Variants in ERC1 observed in about 807,000 individuals in gnomAD.
ERC1 encodes ELKS/RAB6-interacting/CAST family member 1.
ERC1 carries 56 observed loss-of-function variants against 132.0 expected under a neutral mutation model. The ratio of observed to expected loss-of-function variants is 0.42; its 90% CI spans 0.34 to 0.53. The LOEUF is 0.53. Ranked by LOEUF, ERC1 falls within the 20% of genes least tolerant of loss-of-function variation. ERC1 has a pLI of 0.03. For synonymous variants in ERC1, 478 were observed against 476.1 expected (o/e 1.00, Z -0.05); for missense variants, 1,202 against 1,349.9 (o/e 0.89, Z 1.72).
chr12:1,244,653 C>G (rs1022522258), intron 13 of ERC1: 1 of 415,362 alleles, frequency 2.4e-6, no homozygotes, highest in Non-Finnish European at 4.9e-6. Flanking sequence ...ACCCGAGTAG[C>G]TGGGATTCCA....
intron 12 of ERC1, among the ~76,000 whole-genome samples, chr12:1,206,708 C>T (rs950935481): frequency 9.9e-5 from 15 of 152,070 alleles, no homozygotes; most frequent in Admixed American, 2.6e-4. Context: ...TTTTGGCTAA[C>T]GGTCATTCAG....
intron 12 of ERC1, among the ~76,000 whole-genome samples, chr12:1,225,473 C>CACACAG (rs1555316279): frequency 0.047 from 7,125 of 151,602 alleles, 439 homozygotes; most frequent in African/African-American, 0.14. Flanking sequence ...CACACACACA[C>CACACAG]ACACACACAC....
intron 15 of ERC1, among the ~76,000 whole-genome samples, chr12:1,294,946 T>G (rs2079799484): frequency 1.3e-5 from 2 of 152,204 alleles, no homozygotes; most frequent in African/African-American, 4.8e-5. Context: ...ATCTATCCAT[T>G]TAATCATAAG....
intron 18 of ERC1, among the ~76,000 whole-genome samples, chr12:1,488,913 C>T (rs1014697948): frequency 5.3e-5 from 8 of 152,330 alleles, no homozygotes; most frequent in Middle Eastern, 6.8e-3. Context: ...GCCTAACCCC[C>T]ACCTGGGCTG....
chr12:1,066,804 TCCAG>T (rs1939281826), intron 2 of ERC1, among the ~76,000 whole-genome samples: 1 of 139,654 alleles, frequency 7.2e-6, no homozygotes, highest in Non-Finnish European at 1.5e-5. Context: ...GCCATTGTAG[TCCAG>T]CCTGGGCAAC....
chr12:1,268,389 C>T (rs925711161), intron 14 of ERC1, among the ~76,000 whole-genome samples: 1 of 152,106 alleles, frequency 6.6e-6, no homozygotes, highest in Admixed American at 6.5e-5. Flanking sequence ...CCACATTAAG[C>T]ACTGAAAATG....
chr12:1,079,341 TAC>T (rs1235095135), intron 2 of ERC1, among the ~76,000 whole-genome samples: 1 of 143,228 alleles, frequency 7.0e-6, no homozygotes, highest in African/African-American at 2.5e-5. Flanking sequence ...AAAGTCGATA[TAC>T]AGAGATACAG....
chr12:1,416,870 T>C (rs1361136569), intron 17 of ERC1, among the ~76,000 whole-genome samples: 1 of 152,236 alleles, frequency 6.6e-6, no homozygotes, highest in African/African-American at 2.4e-5. Context: ...TCAGTTAATG[T>C]TAGCTATTAG....
At chr12:1,273,512 T>G (rs2078028304) in intron 14 of ERC1, among the ~76,000 whole-genome samples, 1 of 152,258 alleles carries the variant, frequency 6.6e-6, no homozygotes, top group African/African-American at 2.4e-5. Context: ...ATAGCAGCAC[T>G]GTCAAATAGA....
chr12:1,392,456 A>AT (rs374125143), intron 16 of ERC1, among the ~76,000 whole-genome samples: 39 of 152,308 alleles, frequency 2.6e-4, no homozygotes, highest in African/African-American at 8.9e-4. Flanking sequence ...CAGATAACCG[A>AT]TTTTTTTAAG....
chr12:1,421,571 T>G (rs79173510), intron 17 of ERC1, among the ~76,000 whole-genome samples: 6,501 of 152,190 alleles, frequency 0.043, 260 homozygotes, highest in African/African-American at 0.097. Context: ...TGGAGTCAGT[T>G]GGTTGCCAGA....
chr12:1,236,994 T>C, intron 13 of ERC1, 90 bp downstream of exon 13: 1 of 1,470,742 alleles, frequency 6.8e-7, no homozygotes, highest in South Asian at 1.3e-5. Context: ...TATCCTCCTC[T>C]TTTTTCTCTT....
chr12:1,266,671 C>G (rs1293845144), intron 14 of ERC1, among the ~76,000 whole-genome samples: 1 of 152,122 alleles, frequency 6.6e-6, no homozygotes, highest in Non-Finnish European at 1.5e-5. Flanking sequence ...TCTGAAAGTG[C>G]TGGGATTACA....
chr12:1,091,715 G>A (rs1380850943), intron 3 of ERC1, among the ~76,000 whole-genome samples: 3 of 152,178 alleles, frequency 2.0e-5, no homozygotes, highest in African/African-American at 4.8e-5. Flanking sequence ...TTGAATCAAG[G>A]GAGTGACACA....
intron 5 of ERC1, among the ~76,000 whole-genome samples, chr12:1,111,546 A>G (rs1328813610): frequency 2.6e-5 from 4 of 151,972 alleles, no homozygotes; most frequent in South Asian, 2.1e-4. Flanking sequence ...TCCAGACTCT[A>G]TTATTAATTA....
intron 1 of ERC1, among the ~76,000 whole-genome samples, chr12:1,003,096 C>G (rs1006259458): frequency 1.2e-5 from 1 of 86,922 alleles, no homozygotes; most frequent in African/African-American, 5.2e-5. Flanking sequence ...ATGAAAAATG[C>G]AAAAAAAAAA....
At chr12:1,125,302 G>GCCCC (rs1173229309) in intron 7 of ERC1, among the ~76,000 whole-genome samples, 3 of 151,634 alleles carry the variant, frequency 2.0e-5, no homozygotes, top group African/African-American at 4.9e-5. Context: ...CCCAATATTT[G>GCCCC]ATATTTTCTA....
At position 1,356,829 on chromosome 12, in the gene ERC1, T is replaced by C. The variant is rs187576809; in HGVS notation, c.2781-15004T>C. ...ATTCCCACAGAATTTACATACCAGGTGTCTCATTCCAAACCTGTGTAGGAG... is the reference window on the plus strand; with the variant it reads ...ATTCCCACAGAATTTACATACCAGGCGTCTCATTCCAAACCTGTGTAGGAG... On this transcript the variant is annotated intron_variant, in intron 15 of 18. Coordinates refer to ENST00000360905, the MANE Select transcript of ERC1 (RefSeq NM_178040.4). 5.6e-3 allele frequency among the ~76,000 whole-genome samples: 847 copies of C among 152,338 alleles called. 4 individuals carry two copies. Among genetic ancestry groups the C allele is most frequent in the South Asian group, 0.012 (59 of 4,832 alleles).
In ERC1 at chr12:1,495,328, C is replaced by A. The variant is rs552803119; in HGVS notation, c.*5098C>A. The A allele has an allele frequency of 8.8e-6, 2 of 228,240 alleles. No homozygotes were observed. The highest frequency in any genetic ancestry group is 1.3e-3 in the Middle Eastern group (1 of 774). 14.1% of individuals were successfully genotyped at this position (228,240 alleles called of 1,614,324 possible). A position where few individuals can be genotyped will look rare whatever the true frequency, so the allele number is the denominator to read the frequency against. The stretch of plus-strand genomic sequence containing the variant: ...TCTGGCTTCAGGCCCTCAATTATTT[C>A]CCTTTGAGCTTTTTTAGACCCTAGA... On this transcript the variant is annotated 3_prime_UTR_variant, in exon 19 of 19. Transcript: ENST00000360905.
Sources: gnomAD v4.1 joint callset for allele counts (sites outside exome capture counted in the v4.1 genomes callset) on GRCh38, gnomAD v4.1.1 for gene constraint, MANE v1.5 for transcripts, NCBI Gene and HGNC (gene_info 2026-07-23, HGNC 2026-07-21) for gene names.